PLSCR5: variants seen among roughly 807,000 people sequenced by gnomAD.
The protein encoded by PLSCR5 is phospholipid scramblase family member 5.
Under a neutral mutation model 33.6 loss-of-function variants are expected in PLSCR5, and 44 were observed. The observed-to-expected ratio is 1.31, with a 90% CI of 1.03 to 1.69. PLSCR5 has a LOEUF of 1.69. PLSCR5 is among the 40% of genes most tolerant of loss of function. The pLI is 0.00. For missense variants in PLSCR5, 375 were observed against 318.7 expected, an observed-to-expected ratio of 1.18 and a Z score of -1.34; for synonymous variants, 148 against 112.3, an observed-to-expected ratio of 1.32 and a Z score of -2.01.
chr3:146,591,872 G>C lies in PLSCR5; in HGVS notation c.463C>G (p.Gln155Glu). Residue 155 changes from glutamine (Q) to glutamate (E), a missense_variant, in exon 5 of 8, where the codon CAA becomes GAA. Gln to Glu is a conservative substitution (Grantham distance 29, BLOSUM62 2). Coordinates refer to ENST00000443512, the MANE Select transcript of PLSCR5 (RefSeq NM_001085420.2). Reference protein sequence around the residue: ...CPCYLQELEIQAPPGTIVGYV... With the variant: ...CPCYLQELEIEAPPGTIVGYV... ...CCAACTATAGTACCAGGAGGGGCTT[G>C]GATTTCTAACTGTAAGAAGAGATAA... The C allele has an allele frequency of 6.3e-7, 1 of 1,599,708 alleles. No homozygotes were observed.
At chr3:146,591,105 TG>T (rs1295400231) in intron 5 of PLSCR5, among the ~76,000 whole-genome samples, 1 of 151,358 alleles carries the variant, frequency 6.6e-6, no homozygotes, top group Non-Finnish European at 1.5e-5. Context: ...AGATCTAAAC[TG>T]GGATATGTGA....
chr3:146,585,579 G>A (rs1267204304), downstream of PLSCR5, among the ~76,000 whole-genome samples: 3 of 151,974 alleles, frequency 2.0e-5, no homozygotes, highest in Non-Finnish European at 4.4e-5. Context: ...AAAGTATAAA[G>A]GGACTACTTT....
At chr3:146,591,028 A>G in intron 5 of PLSCR5, among the ~76,000 whole-genome samples, 1 of 148,552 alleles carries the variant, frequency 6.7e-6, no homozygotes, top group South Asian at 2.1e-4. Flanking sequence ...TACAAAACTA[A>G]CTTAGCAAGT....
chr3:146,581,807 G>C (rs113446558), downstream of PLSCR5, among the ~76,000 whole-genome samples: 107 of 150,890 alleles, frequency 7.1e-4, no homozygotes, highest in African/African-American at 2.5e-3. Flanking sequence ...CACTTTTATT[G>C]GTCAATTATA....
At chr3:146,601,230 ATT>A (rs2044812282) in intron 1 of PLSCR5, among the ~76,000 whole-genome samples, 2 of 151,842 alleles carry the variant, frequency 1.3e-5, no homozygotes, top group African/African-American at 4.8e-5. Flanking sequence ...ACTCTGTGTA[ATT>A]TTATGTATAA....
rs113775125 is a variant in PLSCR5, at chr3:146,577,253, A to G, written c.*45-528T>C. On this transcript the variant is annotated intron_variant, in intron 7 of 7. Coordinates refer to the PLSCR5 transcript ENST00000482567. ...ATCTTGTTACCTTAAAAGCCTATTT[A>G]AAATGGTGGGGCATTTGTATCCATT... Among the ~76,000 whole-genome samples, 3 of 152,200 alleles carry G rather than the reference A, an allele frequency of 2.0e-5. 1 individual carries two copies. Among genetic ancestry groups the G allele is most frequent in the African/African-American group, 7.2e-5 (3 of 41,542 alleles).
downstream of PLSCR5, among the ~76,000 whole-genome samples, chr3:146,581,620 CAA>C (rs1182258903): frequency 6.6e-6 from 1 of 152,062 alleles, no homozygotes; most frequent in African/African-American, 2.4e-5. Flanking sequence ...AGAAAAAGTT[CAA>C]GAGTGACTAT....
At chr3:146,590,756 T>G (rs2044706650) in intron 5 of PLSCR5, among the ~76,000 whole-genome samples, 1 of 152,100 alleles carries the variant, frequency 6.6e-6, no homozygotes, top group African/African-American at 2.4e-5. Flanking sequence ...TTGCAAAATT[T>G]GCATTGTATT....
downstream of PLSCR5, among the ~76,000 whole-genome samples, chr3:146,580,971 G>A (rs1350628456): frequency 2.0e-5 from 3 of 152,096 alleles, no homozygotes; most frequent in African/African-American, 4.8e-5. Flanking sequence ...AATCAAACGA[G>A]TAACAATCAA....
rs778187524 is a variant in PLSCR5, at chr3:146,589,764, C to T, written c.666G>A (p.Trp222Ter). 2 of 1,587,264 alleles carry T rather than the reference C, an allele frequency of 1.3e-6. No homozygotes were observed. Among genetic ancestry groups the T allele is most frequent in the South Asian group, 1.1e-5 (1 of 88,586 alleles). The stretch of plus-strand genomic sequence containing the variant: ...TGAAGACATCATTTACAAATCCTGA[C>T]CAGTACTTTGAAATCTTCCCAATTG... Reference protein sequence around the residue: ...KLTIGKISKYWSGFVNDVFTN... With the variant: ...KLTIGKISKY Residue 222 changes from tryptophan (W) to a stop codon, truncating the protein, a stop_gained, in exon 6 of 8, where the codon TGG (tryptophan) becomes TGA (stop). Transcript: ENST00000443512. LOFTEE classifies it high-confidence loss of function.
Position 146,597,734 on chromosome 3 carries a change from A to T in PLSCR5, c.189+2554T>A, listed in dbSNP as rs191374476. On this transcript the variant is annotated intron_variant, in intron 2 of 7. Transcript: ENST00000443512. ...TTTAAACAGATTGAATTATACGTTT[A>T]GGTGTCATGGCAAGTAAAACTTAAC... Among the ~76,000 whole-genome samples, 779 of 152,310 alleles carry T rather than the reference A, an allele frequency of 5.1e-3. 4 individuals are homozygous for T. Among genetic ancestry groups the T allele is most frequent in the African/African-American group, 0.018 (743 of 41,574 alleles).
downstream of PLSCR5, among the ~76,000 whole-genome samples, chr3:146,584,748 C>T (rs1191390922): frequency 1.3e-5 from 2 of 152,104 alleles, no homozygotes; most frequent in African/African-American, 4.8e-5. Flanking sequence ...ACTCCAGAGC[C>T]TAGAACTAAA....
At chr3:146,604,468 T>C (rs2044847098) in intron 1 of PLSCR5, among the ~76,000 whole-genome samples, 1 of 152,158 alleles carries the variant, frequency 6.6e-6, no homozygotes, top group African/African-American at 2.4e-5. Context: ...GTTTTCTATC[T>C]TTAATTTACC....
downstream of PLSCR5, among the ~76,000 whole-genome samples, chr3:146,582,416 A>C (rs1194960597): frequency 1.3e-5 from 2 of 152,196 alleles, no homozygotes; most frequent in African/African-American, 4.8e-5. Flanking sequence ...CTAGGAGGAC[A>C]GAGTGGAGCT....
intron 4 of PLSCR5, 39 bp from the exon 5 acceptor site, chr3:146,591,920 G>A: frequency 6.8e-7 from 1 of 1,471,618 alleles, no homozygotes; most frequent in Admixed American, 2.3e-5. Context: ...ATTTTCTTAG[G>A]TTATCATATT....
At chr3:146,591,929 T>G in intron 4 of PLSCR5, 48 bp from the exon 5 acceptor site, 1 of 1,433,306 alleles carries the variant, frequency 7.0e-7, no homozygotes, top group Non-Finnish European at 9.4e-7. Flanking sequence ...GGTTATCATA[T>G]TTTAATTTTA....
chr3:146,605,315 C>T lies in PLSCR5; in HGVS notation c.-103G>A, dbSNP rs1325299249. The T allele has an allele frequency of 7.6e-6, 12 of 1,587,558 alleles. No homozygotes were observed. The highest frequency in any genetic ancestry group is 2.3e-5 in the East Asian group (1 of 44,266). On this transcript the variant is annotated 5_prime_UTR_variant, in exon 1 of 8. Transcript: ENST00000443512. ...ACGCAGCATGCACAAAACTTCAGAACGTGTTTGTCTGCCTCTTGTCAGCTT... is the reference window on the plus strand; with the variant it reads ...ACGCAGCATGCACAAAACTTCAGAATGTGTTTGTCTGCCTCTTGTCAGCTT...
At chr3:146,589,562 T>C in intron 6 of PLSCR5, 91 bp downstream of exon 6, 11 of 1,205,380 alleles carry the variant, frequency 9.1e-6, no homozygotes, top group Non-Finnish European at 1.2e-5. Flanking sequence ...TCTTTGGGGG[T>C]AAAAACTGTG....
intron 7 of PLSCR5, among the ~76,000 whole-genome samples, chr3:146,580,549 C>T (rs1360966227): frequency 6.9e-6 from 1 of 145,352 alleles, no homozygotes; most frequent in Admixed American, 7.2e-5. Context: ...ACTGCAATCT[C>T]GGCCTCCCGG....
Sources: gnomAD v4.1 joint callset for allele counts (sites outside exome capture counted in the v4.1 genomes callset) on GRCh38, gnomAD v4.1.1 for gene constraint, MANE v1.5 for transcripts, NCBI Gene and HGNC (gene_info 2026-07-23, HGNC 2026-07-21) for gene names.